The following WNT16 variants were observed in gnomAD, a reference collection of about 807,000 sequenced individuals.
WNT16 encodes the protein Wnt family member 16.
WNT16 carries 20 observed loss-of-function variants against 35.4 expected under a neutral mutation model. That is an observed-to-expected ratio of 0.56 (90% CI 0.40 to 0.82). The LOEUF (loss-of-function observed/expected upper bound fraction) is 0.82, where lower values mean the gene tolerates loss of function less well. Among genes scored for constraint, WNT16 ranks in the 40% least tolerant of loss-of-function variants. The pLI, the probability that WNT16 is intolerant of heterozygous loss-of-function variation, is 0.00. For missense variants in WNT16, 461 were observed against 466.0 expected (o/e 0.99, Z 0.10); for synonymous variants, 180 against 179.2 (o/e 1.00, Z -0.03).
rs1230282183 is a variant in WNT16 at position 121,339,546 on chromosome 7, A to T, written c.*201A>T. 5 of 545,214 alleles carry T rather than the reference A, an allele frequency of 9.2e-6. No homozygotes were observed. The African/African-American group carries it at 9.3e-5, about 10-fold the overall frequency. 33.8% of individuals were successfully genotyped at this position (545,214 alleles called of 1,614,324 possible). ...CCATCAATCATGTGGATTTCTTGGG[A>T]TTCTAATGTTGAAAAGGTTTATATT... is the stretch of plus-strand genomic sequence containing the variant. On this transcript the variant is annotated 3_prime_UTR_variant, in exon 4 of 4. Coordinates refer to ENST00000222462, the MANE Select transcript of WNT16 (RefSeq NM_057168.2).
In WNT16 at chr7:121,332,492, C is replaced by T. The variant is rs113906883; in HGVS notation, c.633+528C>T. On this transcript the variant is annotated intron_variant, in intron 3 of 3. Coordinates refer to ENST00000222462, the MANE Select transcript of WNT16 (RefSeq NM_057168.2). ...AGTCGTGGAGTCAGAATAGGGTCTA[C>T]AGTATCTGCCTTTCTAATAGAACTG... Among the ~76,000 whole-genome samples the T allele has an allele frequency of 8.5e-3, 1,301 of 152,264 alleles. 10 individuals carry two copies. The highest frequency in any genetic ancestry group is 0.014 in the Middle Eastern group (4 of 292).
Position 121,340,947 on chromosome 7 carries a change from TTAA to T in WNT16, c.*1606_*1608del, listed in dbSNP as rs1439056203. 6.6e-6 allele frequency: 1 copy of T among 152,168 alleles called. No homozygotes were observed. Among genetic ancestry groups the T allele is most frequent in the African/African-American group, 2.4e-5 (1 of 41,450 alleles). 9.4% of individuals were successfully genotyped at this position (152,168 alleles called of 1,614,324 possible). On this transcript the variant is annotated 3_prime_UTR_variant, in exon 4 of 4. Transcript: ENST00000222462. ...GACAAAGAGAATATTCATTTTCTTA[TTAA>T]TAAGATAAAGAAATGTTTCCCTGCC...
At chr7:121,338,126 T>C (rs1793468871) in intron 3 of WNT16, among the ~76,000 whole-genome samples, 2 of 152,210 alleles carry the variant, frequency 1.3e-5, no homozygotes, top group African/African-American at 4.8e-5. Flanking sequence ...TCCCTTTGTA[T>C]GTGACTGACT....
chr7:121,333,455 T>C (rs935426898), intron 3 of WNT16, among the ~76,000 whole-genome samples: 1 of 152,002 alleles, frequency 6.6e-6, no homozygotes, highest in Admixed American at 6.5e-5. Context: ...AAGCTTTTTG[T>C]ATTTTTGTTT....
upstream of WNT16, chr7:121,325,499 TG>T (rs767501727): frequency 6.2e-7 from 1 of 1,609,792 alleles, no homozygotes; most frequent in Non-Finnish European, 8.5e-7. Context: ...TGTTTATTTT[TG>T]GAGAACAAAA....
intron 3 of WNT16, among the ~76,000 whole-genome samples, chr7:121,334,558 G>A (rs1793407116): frequency 6.6e-6 from 1 of 152,034 alleles, no homozygotes; most frequent in Non-Finnish European, 1.5e-5. Context: ...ATTCAATTGA[G>A]TTGATTTTCT....
chr7:121,328,958 G>T (rs749443136), upstream of WNT16: 81 of 977,484 alleles, frequency 8.3e-5, no homozygotes, highest in Non-Finnish European at 9.5e-5. Context: ...AGGGGGAGGA[G>T]ATGGGAGGAG....
At chr7:121,335,031 G>A (rs1477818700) in intron 3 of WNT16, among the ~76,000 whole-genome samples, 2 of 152,006 alleles carry the variant, frequency 1.3e-5, no homozygotes, top group African/African-American at 2.4e-5. Context: ...CAGTAGGTTC[G>A]AATATATTTT....
chr7:121,336,699 G>C (rs1793451418), intron 3 of WNT16, among the ~76,000 whole-genome samples: 1 of 152,168 alleles, frequency 6.6e-6, no homozygotes, highest in Non-Finnish European at 1.5e-5. Flanking sequence ...TACCAACAGA[G>C]GATGAGATAA....
In WNT16 at chr7:121,329,138, G is replaced by A. The variant is rs1793291925; in HGVS notation, c.-155G>A. 2 of 1,387,942 alleles carry A rather than the reference G, an allele frequency of 1.4e-6. No homozygotes were observed. Among genetic ancestry groups the A allele is most frequent in the South Asian group, 1.8e-5 (1 of 54,490 alleles). The allele number at this position is 1,387,942 out of a possible 1,614,324, so 86.0% of individuals were successfully genotyped here. A position where few individuals can be genotyped will look rare whatever the true frequency, so the allele number is the denominator to read the frequency against. On this transcript the variant is annotated 5_prime_UTR_variant, in exon 1 of 4. Coordinates refer to ENST00000222462, the MANE Select transcript of WNT16 (RefSeq NM_057168.2). ...CTGCAAACGAGGGGGAAGCTGCTGA[G>A]AGTCCCTATCACTGCTGGCCTTTTA...
intron 3 of WNT16, among the ~76,000 whole-genome samples, chr7:121,332,262 T>C (rs561392445): frequency 2.6e-4 from 36 of 137,892 alleles, no homozygotes; most frequent in African/African-American, 9.4e-4. Context: ...GTATACACAT[T>C]TGCACATATA....
At chr7:121,335,156 T>C (rs1251901638) in intron 3 of WNT16, among the ~76,000 whole-genome samples, 1 of 152,098 alleles carries the variant, frequency 6.6e-6, no homozygotes, top group Non-Finnish European at 1.5e-5. Context: ...GAAAATGAAA[T>C]GTTAGTCACA....
intron 3 of WNT16, among the ~76,000 whole-genome samples, chr7:121,333,688 AG>A (rs1793390469): frequency 6.6e-6 from 1 of 152,020 alleles, no homozygotes; most frequent in African/African-American, 2.4e-5. Context: ...AGTTAAACCT[AG>A]AGATAAGATT....
At chr7:121,325,784 T>C (rs950817402), upstream of WNT16, among the ~76,000 whole-genome samples, 2 of 152,044 alleles carry the variant, frequency 1.3e-5, no homozygotes, top group East Asian at 3.9e-4. Flanking sequence ...ATCATGCCTA[T>C]AATCCCAGCA....
chr7:121,325,952 A>G (rs916294588), upstream of WNT16, among the ~76,000 whole-genome samples: 2 of 142,576 alleles, frequency 1.4e-5, no homozygotes, highest in African/African-American at 2.6e-5. Context: ...GAGGGTGAGG[A>G]TCGCTTGTGC....
At chr7:121,335,622 G>A (rs995308581) in intron 3 of WNT16, among the ~76,000 whole-genome samples, 1 of 152,062 alleles carries the variant, frequency 6.6e-6, no homozygotes, top group Admixed American at 6.6e-5. Flanking sequence ...TGATATTGCT[G>A]TAATTCACAA....
Position 121,329,068 on chromosome 7 carries a change from A to G in WNT16, c.-225A>G, listed in dbSNP as rs978464357. The G allele has an allele frequency of 7.8e-7, 1 of 1,279,182 alleles. No homozygotes were observed. The highest frequency in any genetic ancestry group is 9.9e-7 in the Non-Finnish European group (1 of 1,013,458). 79.2% of individuals were successfully genotyped at this position (1,279,182 alleles called of 1,614,324 possible). On this transcript the variant is annotated 5_prime_UTR_variant, in exon 1 of 4. Transcript: ENST00000222462. ...CTCCTGCACATCTCCACCCCTGCGC[A>G]GGAGGAGATCCCCAGGCTGCTCTCT...
At chr7:121,337,101 A>C (rs542487933) in intron 3 of WNT16, among the ~76,000 whole-genome samples, 1 of 152,328 alleles carries the variant, frequency 6.6e-6, no homozygotes, top group Non-Finnish European at 1.5e-5. Flanking sequence ...AAATGCCATA[A>C]ATTTAAAGAA....
At chr7:121,337,911 C>T (rs1793466578) in intron 3 of WNT16, among the ~76,000 whole-genome samples, 1 of 152,270 alleles carries the variant, frequency 6.6e-6, no homozygotes, top group East Asian at 1.9e-4. Flanking sequence ...ACATTATCCC[C>T]TTTGTATTTT....
Sources: allele counts gnomAD v4.1 joint callset (sites outside exome capture counted in the v4.1 genomes callset), GRCh38; gene constraint gnomAD v4.1.1; transcripts MANE v1.5; gene names NCBI Gene and HGNC (gene_info 2026-07-23, HGNC 2026-07-21).